The following GAS2L3 variants were observed in gnomAD, a reference collection of about 807,000 sequenced individuals.
GAS2L3 encodes GAS2-like protein 3.
In GAS2L3, 28 loss-of-function variants were observed where a neutral mutation model predicts 37.0. The ratio of observed to expected loss-of-function variants is 0.76; its 90% CI spans 0.56 to 1.04. The LOEUF is 1.04. Ranked by LOEUF, GAS2L3 falls within the 50% of genes least tolerant of loss-of-function variation. The pLI, the probability that GAS2L3 is intolerant of heterozygous loss-of-function variation, is 0.00. For synonymous variants in GAS2L3, 290 were observed against 296.6 expected (o/e 0.98, Z 0.23); for missense variants, 793 against 817.6 (o/e 0.97, Z 0.37).
At chr12:100,588,345 C>G (rs1370960328) in intron 1 of GAS2L3, among the ~76,000 whole-genome samples, 1 of 152,162 alleles carries the variant, frequency 6.6e-6, no homozygotes, top group Non-Finnish European at 1.5e-5. Context: ...CTGTGATGCC[C>G]TCCTGAGTCT....
chr12:100,594,358 G>A (rs1430753023), intron 2 of GAS2L3, among the ~76,000 whole-genome samples: 1 of 151,982 alleles, frequency 6.6e-6, no homozygotes, highest in African/African-American at 2.4e-5. Flanking sequence ...GAGGCATTGA[G>A]CATTTTGGTT....
rs564608059 is a variant in GAS2L3 at position 100,590,179 on chromosome 12, C to T, written c.-151-1557C>T. Among the ~76,000 whole-genome samples, 6 of 152,304 alleles carry T rather than the reference C, an allele frequency of 3.9e-5. No individual in the cohort carries two copies. The South Asian group carries it at 1.2e-3, about 32-fold the overall frequency. ...CATAAGCTATACATCTGACAAAGGACTAATATCCAGAATCTACAACAAACT... is the reference window on the plus strand; with the variant it reads ...CATAAGCTATACATCTGACAAAGGATTAATATCCAGAATCTACAACAAACT... On this transcript the variant is annotated intron_variant, in intron 1 of 9. Transcript: ENST00000547754.
chr12:100,608,201 G>T (rs932481584), intron 5 of GAS2L3, among the ~76,000 whole-genome samples: 1 of 152,182 alleles, frequency 6.6e-6, no homozygotes, highest in African/African-American at 2.4e-5. Flanking sequence ...GTGTGTGCGT[G>T]TGGGTTTTTT....
intron 1 of GAS2L3, among the ~76,000 whole-genome samples, chr12:100,589,575 C>T (rs531744113): frequency 1.3e-5 from 2 of 152,130 alleles, no homozygotes; most frequent in East Asian, 3.9e-4. Flanking sequence ...AAAAACAATT[C>T]TAAAATTCAT....
intron 6 of GAS2L3, among the ~76,000 whole-genome samples, chr12:100,614,353 C>T (rs1956161809): frequency 6.6e-6 from 1 of 151,812 alleles, no homozygotes; most frequent in Non-Finnish European, 1.5e-5. Flanking sequence ...GTCCCAGGTA[C>T]TCAGGAGGCT....
chr12:100,588,258 G>A (rs1199761407), intron 1 of GAS2L3, among the ~76,000 whole-genome samples: 1 of 152,118 alleles, frequency 6.6e-6, no homozygotes, highest in African/African-American at 2.4e-5. Flanking sequence ...TCGGCTGACT[G>A]AGAAATAAAG....
rs541064018 is a variant in GAS2L3, at chr12:100,584,720, C to T, written c.-151-7016C>T. ...TCCCGAGTAGCTGGGACTATGGGTG[C>T]TGCTGCCATGCCCAGCTAAATTTTG... On this transcript the variant is annotated intron_variant, in intron 1 of 9. Transcript: ENST00000547754. 4.0e-5 allele frequency among the ~76,000 whole-genome samples: 6 copies of T among 151,894 alleles called. No individual in the cohort carries two copies. In the East Asian group the frequency reaches 9.7e-4, roughly 24 times the overall value.
intron 1 of GAS2L3, chr12:100,580,156 A>G: frequency 1.3e-6 from 1 of 773,914 alleles, no homozygotes; most frequent in East Asian, 2.4e-5. Context: ...TTCTCACAGT[A>G]AAAGAGGGGG....
chr12:100,621,252 T>C (rs1353119064), intron 8 of GAS2L3, among the ~76,000 whole-genome samples: 2 of 152,122 alleles, frequency 1.3e-5, no homozygotes, highest in African/African-American at 4.8e-5. Flanking sequence ...TTCATGACCT[T>C]CCTTTTTCAA....
chr12:100,622,295 C>T lies in GAS2L3; in HGVS notation c.669C>T (p.Asp223=). The change falls in exon 9 of 10, where the codon GAC becomes GAT. Residue 223 remains aspartate (D), a synonymous_variant. Coordinates refer to ENST00000547754, the MANE Select transcript of GAS2L3 (RefSeq NM_174942.3). ...LHEAVKHIAE[D]PPCSCSHRFS... Reference sequence around the variant, plus strand: ...CTTAGGTTAAACATATTGCTGAGGACCCTCCTTGTAGTTGTTCTCATCGAT... The same window carrying T: ...CTTAGGTTAAACATATTGCTGAGGATCCTCCTTGTAGTTGTTCTCATCGAT... 6.3e-7 allele frequency: 1 copy of T among 1,595,762 alleles called. No homozygotes were observed. Among genetic ancestry groups the T allele is most frequent in the Non-Finnish European group, 8.6e-7 (1 of 1,165,158 alleles).
intron 1 of GAS2L3, among the ~76,000 whole-genome samples, chr12:100,587,539 T>G (rs1955795836): frequency 1.3e-5 from 2 of 152,154 alleles, no homozygotes; most frequent in South Asian, 4.1e-4. Context: ...AGCATCCCTT[T>G]CTGATTAAAA....
At position 100,583,491 on chromosome 12, in the gene GAS2L3, A is replaced by ATTTC. The variant is rs1295111026; in HGVS notation, c.-151-8234_-151-8231dup. ...CTCTGCCTACACAGAAACCTTAGTC[A>ATTTC]TTTCTTTCTTTCTTCCTTCCTTCCT... On this transcript the variant is annotated intron_variant, in intron 1 of 9. Coordinates refer to ENST00000547754, the MANE Select transcript of GAS2L3 (RefSeq NM_174942.3). 2.0e-5 allele frequency among the ~76,000 whole-genome samples: 3 copies of ATTTC among 151,940 alleles called. No homozygotes were observed. The East Asian group carries it at 5.8e-4, about 29-fold the overall frequency.
At chr12:100,617,564 T>A (rs183921162) in intron 6 of GAS2L3, among the ~76,000 whole-genome samples, 180 bp from the exon 7 acceptor site, 24 of 152,308 alleles carry the variant, frequency 1.6e-4, no homozygotes, top group Non-Finnish European at 1.2e-4. Context: ...CTGTTTTTTT[T>A]AAACTAATTT....
intron 1 of GAS2L3, among the ~76,000 whole-genome samples, chr12:100,581,673 T>C (rs1458118619): frequency 1.3e-5 from 2 of 152,202 alleles, no homozygotes; most frequent in Non-Finnish European, 2.9e-5. Context: ...TGGAGAAAAA[T>C]GGACTGATCT....
chr12:100,588,907 T>A (rs1464918096), intron 1 of GAS2L3, among the ~76,000 whole-genome samples: 1 of 152,198 alleles, frequency 6.6e-6, no homozygotes, highest in Non-Finnish European at 1.5e-5. Flanking sequence ...ACCTTATGCT[T>A]GTCTTCCCTT....
chr12:100,618,944 G>A (rs1413263812), intron 8 of GAS2L3, among the ~76,000 whole-genome samples: 2 of 152,006 alleles, frequency 1.3e-5, no homozygotes, highest in Non-Finnish European at 2.9e-5. Context: ...GTCTTGTAGA[G>A]GTTATATTGG....
At chr12:100,613,319 G>A (rs1482056081) in intron 6 of GAS2L3, among the ~76,000 whole-genome samples, 3 of 152,144 alleles carry the variant, frequency 2.0e-5, no homozygotes, top group African/African-American at 7.2e-5. Context: ...GAACCGATAA[G>A]CTAATGTTTT....
At chr12:100,605,829 A>G (rs1464569470) in intron 5 of GAS2L3, among the ~76,000 whole-genome samples, 1 of 148,996 alleles carries the variant, frequency 6.7e-6, no homozygotes, top group African/African-American at 2.5e-5. Flanking sequence ...ATGGATTTCT[A>G]GTTTTATTCC....
chr12:100,607,384 A>G (rs998753857), intron 5 of GAS2L3, among the ~76,000 whole-genome samples: 5 of 151,938 alleles, frequency 3.3e-5, no homozygotes, highest in Non-Finnish European at 2.9e-5. Flanking sequence ...GGAGTTTATT[A>G]AATGTCTTGA....
Sources: allele counts gnomAD v4.1 joint callset (sites outside exome capture counted in the v4.1 genomes callset), GRCh38; gene constraint gnomAD v4.1.1; transcripts MANE v1.5; gene names NCBI Gene and HGNC (gene_info 2026-07-23, HGNC 2026-07-21).